The following TMC1 variants were observed in gnomAD, a reference collection of about 807,000 sequenced individuals.
The protein encoded by TMC1 is transmembrane channel like 1.
In TMC1, 84 loss-of-function variants were observed where a neutral mutation model predicts 105.8. That is an observed-to-expected ratio of 0.79 (90% CI 0.67 to 0.95). TMC1 has a LOEUF of 0.95. Among genes scored for constraint, TMC1 ranks in the 40% least tolerant of loss-of-function variants. TMC1 has a pLI of 0.00. For missense variants in TMC1, 817 were observed against 914.1 expected (o/e 0.89, Z 1.37); for synonymous variants, 315 against 311.5 (o/e 1.01, Z -0.12).
At chr9:72,589,785 A>G (rs1824606348) in intron 2 of TMC1, among the ~76,000 whole-genome samples, 1 of 152,248 alleles carries the variant, frequency 6.6e-6, no homozygotes, top group Non-Finnish European at 1.5e-5. Context: ...ACAGCCAAAA[A>G]CAACTTTAAA....
intron 8 of TMC1, among the ~76,000 whole-genome samples, chr9:72,732,111 A>G (rs947543576): frequency 1.3e-5 from 2 of 152,210 alleles, no homozygotes; most frequent in Admixed American, 1.3e-4. Context: ...ACAATAATAT[A>G]ATGAGTTTGG....
intron 10 of TMC1, among the ~76,000 whole-genome samples, chr9:72,743,223 C>T (rs905359904): frequency 2.0e-5 from 3 of 150,990 alleles, no homozygotes; most frequent in African/African-American, 7.3e-5. Context: ...AAAAATTAGC[C>T]GGGCGTAGTG....
intron 4 of TMC1, 91 bp downstream of exon 4, chr9:72,628,154 A>G (rs998283813): frequency 2.2e-6 from 1 of 451,534 alleles, no homozygotes; most frequent in Non-Finnish European, 4.4e-6. Context: ...GCAGGATTGT[A>G]TGGAATGGGA....
At chr9:72,736,552 A>G (rs1055039330) in intron 8 of TMC1, among the ~76,000 whole-genome samples, 1 of 152,226 alleles carries the variant, frequency 6.6e-6, no homozygotes, top group African/African-American at 2.4e-5. Context: ...TGTCTTTTAA[A>G]TTATCTGTTA....
At chr9:72,721,097 C>G (rs1019292569) in intron 8 of TMC1, among the ~76,000 whole-genome samples, 2 of 152,156 alleles carry the variant, frequency 1.3e-5, no homozygotes, top group African/African-American at 4.8e-5. Flanking sequence ...TATGCCAGCT[C>G]TAAATATGCC....
chr9:72,610,060 T>A (rs1824998555), intron 2 of TMC1, among the ~76,000 whole-genome samples: 1 of 152,226 alleles, frequency 6.6e-6, no homozygotes, highest in Non-Finnish European at 1.5e-5. Flanking sequence ...TTTGCATACC[T>A]AGCACAATAC....
intron 1 of TMC1, among the ~76,000 whole-genome samples, chr9:72,546,885 C>CT (rs1823777201): frequency 6.6e-6 from 1 of 152,192 alleles, no homozygotes; most frequent in South Asian, 2.1e-4. Flanking sequence ...ATTTCTTAAA[C>CT]TTTACTGTGT....
intron 20 of TMC1, 125 bp from the exon 21 acceptor site, chr9:72,826,744 A>G: frequency 9.9e-7 from 1 of 1,012,428 alleles, no homozygotes; most frequent in Non-Finnish European, 1.5e-6. Flanking sequence ...GTAGCTAAAC[A>G]TCAGATTCCT....
intron 18 of TMC1, among the ~76,000 whole-genome samples, chr9:72,805,825 G>A (rs1828566132): frequency 6.6e-6 from 1 of 152,088 alleles, no homozygotes; most frequent in Non-Finnish European, 1.5e-5. Context: ...ACCCTGAGTG[G>A]ACACAGCACA....
rs574012288 is a variant in TMC1 at position 72,810,581 on chromosome 9, TATACAC to T, written c.1695+5075_1695+5080del. Among the ~76,000 whole-genome samples the T allele has an allele frequency of 2.9e-3, 443 of 152,302 alleles. 2 individuals carry two copies. Among genetic ancestry groups the T allele is most frequent in the African/African-American group, 0.01 (423 of 41,580 alleles). ...ATATATAGTAACAGATTTTTATAAA[TATACAC>T]ATATATACTTTTGTATACGTATATA... On this transcript the variant is annotated intron_variant, in intron 18 of 23. Coordinates refer to ENST00000297784, the MANE Select transcript of TMC1 (RefSeq NM_138691.3).
intron 23 of TMC1, among the ~76,000 whole-genome samples, chr9:72,830,953 T>C (rs1310533539): frequency 6.6e-6 from 1 of 151,904 alleles, no homozygotes; most frequent in Admixed American, 6.6e-5. Flanking sequence ...ACCTTGAAAA[T>C]GCGCAGAAAA....
intron 12 of TMC1, among the ~76,000 whole-genome samples, chr9:72,765,886 C>A (rs1827824364): frequency 6.6e-6 from 1 of 152,010 alleles, no homozygotes; most frequent in African/African-American, 2.4e-5. Flanking sequence ...GGCCATGGCA[C>A]AAAAGGCAAA....
At chr9:72,535,324 T>C (rs1217573148) in intron 1 of TMC1, among the ~76,000 whole-genome samples, 1 of 152,236 alleles carries the variant, frequency 6.6e-6, no homozygotes, top group Non-Finnish European at 1.5e-5. Flanking sequence ...TTTGGATTTC[T>C]CCCGAAAACT....
intron 13 of TMC1, among the ~76,000 whole-genome samples, chr9:72,784,969 T>G (rs1344140603): frequency 2.6e-5 from 4 of 152,054 alleles, no homozygotes. Flanking sequence ...AGGTGAGGAT[T>G]GAAAAACTAC....
At chr9:72,642,530 C>G (rs1825646250) in intron 4 of TMC1, among the ~76,000 whole-genome samples, 1 of 152,144 alleles carries the variant, frequency 6.6e-6, no homozygotes, top group Non-Finnish European at 1.5e-5. Context: ...AAACTGCTGC[C>G]TATTTAGCCA....
At chr9:72,699,956 CAAAAA>C (rs61062887) in intron 7 of TMC1, among the ~76,000 whole-genome samples, 22 of 46,564 alleles carry the variant, frequency 4.7e-4, no homozygotes, top group East Asian at 1.6e-3. Context: ...GACTCTGTCT[CAAAAA>C]AAAAAAAAAA....
At chr9:72,665,914 C>G (rs1826035712) in intron 5 of TMC1, among the ~76,000 whole-genome samples, 1 of 152,138 alleles carries the variant, frequency 6.6e-6, no homozygotes, top group African/African-American at 2.4e-5. Flanking sequence ...AGAAGAATGA[C>G]CTGCATGATG....
At chr9:72,630,914 G>C (rs949705211) in intron 4 of TMC1, among the ~76,000 whole-genome samples, 1 of 150,870 alleles carries the variant, frequency 6.6e-6, no homozygotes, top group Non-Finnish European at 1.5e-5. Context: ...TGTCACCCAG[G>C]CTGGAGTGCA....
chr9:72,616,696 A>T (rs1825135930), intron 3 of TMC1, among the ~76,000 whole-genome samples: 1 of 148,640 alleles, frequency 6.7e-6, no homozygotes, highest in Non-Finnish European at 1.5e-5. Flanking sequence ...AATGGGCTAG[A>T]ATATTGCAGG....
Sources: gnomAD v4.1 joint callset for allele counts (sites outside exome capture counted in the v4.1 genomes callset) on GRCh38, gnomAD v4.1.1 for gene constraint, MANE v1.5 for transcripts, NCBI Gene and HGNC (gene_info 2026-07-23, HGNC 2026-07-21) for gene names.